SORCS2: variants seen among roughly 807,000 people sequenced by gnomAD.
SORCS2 encodes the protein sortilin related VPS10 domain containing receptor 2.
SORCS2 carries 100 observed loss-of-function variants against 141.6 expected under a neutral mutation model. That is an observed-to-expected ratio of 0.71 (90% confidence interval 0.60 to 0.83). The LOEUF (loss-of-function observed/expected upper bound fraction) is 0.83. Ranked by LOEUF, SORCS2 falls within the 40% of genes least tolerant of loss-of-function variation. The probability of loss-of-function intolerance (pLI) is 0.00; values close to 1 mark genes in which losing one functional copy is unlikely to be tolerated. For missense variants in SORCS2, 1,646 were observed against 1,560.2 expected (o/e 1.05, Z -0.93); for synonymous variants, 789 against 676.9 (o/e 1.17, Z -2.57).
intron 3 of SORCS2, among the ~76,000 whole-genome samples, chr4:7,579,351 C>T (rs775852693): frequency 3.3e-5 from 5 of 152,054 alleles, no homozygotes; most frequent in Non-Finnish European, 7.4e-5. Flanking sequence ...TAGGCCACAC[C>T]CACCCGTGTG....
At chr4:7,708,933 T>C (rs1360251416) in intron 14 of SORCS2, among the ~76,000 whole-genome samples, 1 of 152,202 alleles carries the variant, frequency 6.6e-6, no homozygotes, top group Non-Finnish European at 1.5e-5. Flanking sequence ...GAACAGTTAA[T>C]TCCTGCTCTG....
In SORCS2 at chr4:7,222,080, C is replaced by T. The variant is rs188300601; in HGVS notation, c.480+28954C>T. On this transcript the variant is annotated intron_variant, in intron 1 of 26. Coordinates refer to ENST00000507866, the MANE Select transcript of SORCS2 (RefSeq NM_020777.3). ...GAGCCCACCAGACAAGGGGAAAGGG[C>T]GTTTTGGGACCTCAGATGATGGAAT... 9.2e-5 allele frequency among the ~76,000 whole-genome samples: 14 copies of T among 152,154 alleles called. 1 individual carries two copies. The East Asian group carries it at 1.2e-3, about 13-fold the overall frequency.
intron 2 of SORCS2, among the ~76,000 whole-genome samples, chr4:7,426,665 C>A (rs192428550): frequency 7.2e-5 from 11 of 152,220 alleles, no homozygotes; most frequent in Admixed American, 2.0e-4. Context: ...GTGCTCGATG[C>A]GGTCACCTCA....
intron 1 of SORCS2, among the ~76,000 whole-genome samples, chr4:7,202,399 G>A (rs1004715830): frequency 4.0e-5 from 6 of 151,894 alleles, no homozygotes; most frequent in Non-Finnish European, 8.8e-5. Flanking sequence ...TCCTTTTGAG[G>A]TGGAAAATCT....
At position 7,560,013 on chromosome 4, in the gene SORCS2, C is replaced by T. The variant is rs60453137; in HGVS notation, c.648+28384C>T. On this transcript the variant is annotated intron_variant, in intron 3 of 26. Transcript: ENST00000507866. ...CTTTAGATGTGTGCCGGTGGCCACC[C>T]GCTGAATTAAAGGCGGGGAGGCTTC... Among the ~76,000 whole-genome samples, 198 of 152,264 alleles carry T rather than the reference C, an allele frequency of 1.3e-3. 1 individual carries two copies. In the East Asian group the frequency reaches 0.031, roughly 24 times the overall value.
At chr4:7,681,144 G>A (rs1723500500) in intron 9 of SORCS2, among the ~76,000 whole-genome samples, 1 of 152,218 alleles carries the variant, frequency 6.6e-6, no homozygotes, top group Admixed American at 6.5e-5. Context: ...GCGTGTCCTT[G>A]GGGGTCAGGG....
chr4:7,645,152 T>C (rs1018475442), intron 4 of SORCS2, among the ~76,000 whole-genome samples: 12 of 152,210 alleles, frequency 7.9e-5, no homozygotes, highest in African/African-American at 2.9e-4. Context: ...TTTAGGCATC[T>C]ATTGACTGTG....
intron 1 of SORCS2, among the ~76,000 whole-genome samples, chr4:7,394,524 G>C (rs1402042707): frequency 6.8e-6 from 1 of 146,708 alleles, no homozygotes; most frequent in Non-Finnish European, 1.5e-5. Context: ...AGGGCTGGGG[G>C]ATTTGGGGAA....
At chr4:7,423,141 G>C (rs1448523332) in intron 2 of SORCS2, among the ~76,000 whole-genome samples, 13 of 152,168 alleles carry the variant, frequency 8.5e-5, no homozygotes, top group African/African-American at 3.1e-4. Context: ...ATCCACGCTA[G>C]GGGAAGGTGC....
intron 1 of SORCS2, among the ~76,000 whole-genome samples, chr4:7,226,205 A>C (rs984023380): frequency 6.6e-5 from 10 of 152,092 alleles, no homozygotes; most frequent in Non-Finnish European, 1.5e-5. Flanking sequence ...CCAGGCATGC[A>C]TTACCTTTTC....
At chr4:7,507,960 C>G (rs76841039) in intron 2 of SORCS2, among the ~76,000 whole-genome samples, 1 of 151,748 alleles carries the variant, frequency 6.6e-6, no homozygotes, top group Non-Finnish European at 1.5e-5. Context: ...AATGTGGGCA[C>G]TTTTGAGATG....
chr4:7,334,082 C>A (rs1054538699), intron 1 of SORCS2, among the ~76,000 whole-genome samples: 1 of 152,188 alleles, frequency 6.6e-6, no homozygotes, highest in Non-Finnish European at 1.5e-5. Flanking sequence ...AAGCTCCTCC[C>A]CACCTTAGTC....
rs535084206 is a variant in SORCS2 at position 7,347,838 on chromosome 4, A to G, written c.481-48450A>G. Among the ~76,000 whole-genome samples, 45 of 152,360 alleles carry G rather than the reference A, an allele frequency of 3.0e-4. No individual in the cohort carries two copies. The South Asian group carries it at 5.0e-3, about 17-fold the overall frequency. On this transcript the variant is annotated intron_variant, in intron 1 of 26. Coordinates refer to ENST00000507866, the MANE Select transcript of SORCS2 (RefSeq NM_020777.3). ...TTAGACTATTTTCCCTTAGTAATGC[A>G]TTACAACTGTCAGGCCCGATATGAT...
intron 3 of SORCS2, among the ~76,000 whole-genome samples, chr4:7,637,674 G>A (rs1236200972): frequency 6.6e-6 from 1 of 152,098 alleles, no homozygotes; most frequent in Non-Finnish European, 1.5e-5. Flanking sequence ...CCTGGTGTGT[G>A]GGGGGGCCCA....
chr4:7,429,217 C>G (rs939967882), intron 2 of SORCS2, among the ~76,000 whole-genome samples: 1 of 152,136 alleles, frequency 6.6e-6, no homozygotes, highest in African/African-American at 2.4e-5. Flanking sequence ...CACGATGTCC[C>G]TGCGGCATGG....
chr4:7,544,015 CCCAT>C (rs202042953), intron 3 of SORCS2, among the ~76,000 whole-genome samples: 59 of 109,584 alleles, frequency 5.4e-4, no homozygotes, highest in African/African-American at 1.8e-3. Context: ...CATCCATCCA[CCCAT>C]CCATCCATCC....
At chr4:7,696,794 G>A (rs560721455) in intron 11 of SORCS2, among the ~76,000 whole-genome samples, 1 of 152,364 alleles carries the variant, frequency 6.6e-6, no homozygotes, top group South Asian at 2.1e-4. Flanking sequence ...CCCAGGAGCT[G>A]TCTCCAAACA....
intron 3 of SORCS2, among the ~76,000 whole-genome samples, chr4:7,631,303 C>G (rs1280097949): frequency 6.6e-6 from 1 of 150,978 alleles, no homozygotes; most frequent in African/African-American, 2.4e-5. Flanking sequence ...AGATGGGATG[C>G]AGGTCAGGGA....
Position 7,233,165 on chromosome 4 carries a change from G to T in SORCS2, c.480+40039G>T, listed in dbSNP as rs766163561. On this transcript the variant is annotated intron_variant, in intron 1 of 26. Transcript: ENST00000507866. This position sits in a 1 kb window ranked among gnomAD's most constrained non-coding sequence, Gnocchi z 4.5. ...CCCCAAGGTACCCGAGGGAGGCCAG[G>T]TACTGTCACTGCAGGCAGCAGGAAC... 6.6e-6 allele frequency among the ~76,000 whole-genome samples: 1 copy of T among 152,160 alleles called. No individual in the cohort carries two copies. The highest frequency in any genetic ancestry group is 1.9e-4 in the East Asian group (1 of 5,180).
Sources: allele counts gnomAD v4.1 joint callset (sites outside exome capture counted in the v4.1 genomes callset), GRCh38; gene constraint gnomAD v4.1.1; non-coding constraint Gnocchi (gnomAD v3.1); transcripts MANE v1.5; gene names NCBI Gene and HGNC (gene_info 2026-07-23, HGNC 2026-07-21).